Variants in STXBP2 observed in about 807,000 individuals in gnomAD.
The protein encoded by STXBP2 is syntaxin-binding protein 2.
Under a neutral mutation model 72.2 loss-of-function variants are expected in STXBP2, and 47 were observed. The ratio of observed to expected loss-of-function variants is 0.65; its 90% CI spans 0.51 to 0.83. The LOEUF (loss-of-function observed/expected upper bound fraction) is 0.83, where lower values mean the gene tolerates loss of function less well. Among genes scored for constraint, STXBP2 ranks in the 40% least tolerant of loss-of-function variants. The probability of loss-of-function intolerance (pLI) is 0.00; values close to 1 mark genes in which losing one functional copy is unlikely to be tolerated. For missense variants in STXBP2, 702 were observed against 807.6 expected (o/e 0.87, Z 1.58); for synonymous variants, 367 against 338.7 (o/e 1.08, Z -0.92).
chr19:7,645,112 G>A, intron 14 of STXBP2, 85 bp from the exon 15 acceptor site: 2 of 1,489,186 alleles, frequency 1.3e-6, no homozygotes, highest in Non-Finnish European at 1.8e-6. Flanking sequence ...CAGAGTCCTG[G>A]GAGCTCCTCA....
chr19:7,641,961 C>T, intron 7 of STXBP2, 73 bp from the exon 8 acceptor site: 1 of 1,609,460 alleles, frequency 6.2e-7, no homozygotes, highest in Admixed American at 1.7e-5. Flanking sequence ...ACCCTGGCCC[C>T]TGACTCTCAC....
chr19:7,645,417 G>T, intron 15 of STXBP2, 111 bp downstream of exon 15: 2 of 1,127,168 alleles, frequency 1.8e-6, no homozygotes, highest in South Asian at 1.5e-5. Context: ...TCCTGGCGTG[G>T]TGTGGTTGCT....
intron 1 of STXBP2, 95 bp downstream of exon 1, chr19:7,637,281 G>T (rs1267859329): frequency 2.6e-6 from 3 of 1,132,226 alleles, no homozygotes; most frequent in Non-Finnish European, 3.3e-6. Context: ...TGGCGGCTGG[G>T]AGTTGGGGGC....
intron 15 of STXBP2, among the ~76,000 whole-genome samples, chr19:7,645,684 A>G (rs1450406270): frequency 8.6e-5 from 13 of 151,884 alleles, no homozygotes. Flanking sequence ...TCCAGCACCC[A>G]CACACAGCCA....
upstream of STXBP2, chr19:7,632,929 C>T (rs756379065): frequency 9.4e-5 from 141 of 1,493,936 alleles, 1 homozygote; most frequent in Middle Eastern, 1.7e-4. This position sits in a 1 kb window ranked among gnomAD's most constrained non-coding sequence, Gnocchi z 5.2. Flanking sequence ...CGGGGCCTGC[C>T]GTCCCCACTT....
At chr19:7,640,364 A>T (rs111211956) in intron 4 of STXBP2, 1 of 539,994 alleles carries the variant, frequency 1.9e-6, no homozygotes, top group Admixed American at 2.5e-5. Flanking sequence ...GCATGTGTGT[A>T]TGCGTGTGTG....
chr19:7,642,480 CGAG>C lies in STXBP2; in HGVS notation c.849_851del (p.Glu283del). The C allele has an allele frequency of 6.2e-7, 1 of 1,614,044 alleles. No individual in the cohort carries two copies. The highest frequency in any genetic ancestry group is 8.5e-7 in the Non-Finnish European group (1 of 1,180,028). ...CGCGGGAGAAGGCCGTCTTGCTGGACGAGGACGATGACTTGTGGGTGGAGCTTC... is the reference window on the plus strand; with the variant it reads ...CGCGGGAGAAGGCCGTCTTGCTGGACGACGATGACTTGTGGGTGGAGCTTC... On this transcript the variant is annotated inframe_deletion, in exon 10 of 19. Transcript: ENST00000221283. This position sits in a 1 kb window ranked among gnomAD's most constrained non-coding sequence, Gnocchi z 6.0.
At chr19:7,644,873 C>G in intron 14 of STXBP2, 121 bp downstream of exon 14, 1 of 1,530,586 alleles carries the variant, frequency 6.5e-7, no homozygotes, top group East Asian at 2.4e-5. Context: ...TCACCAACCC[C>G]CACAGCTACC....
chr19:7,642,872 C>T lies in STXBP2; in HGVS notation c.960+49C>T, dbSNP rs117129319. 1,349 of 1,613,522 alleles carry T rather than the reference C, an allele frequency of 8.4e-4. 11 individuals carry two copies. The East Asian group carries it at 0.026, about 31-fold the overall frequency. ...AAGGCGCTGGTGGAAGGAAGCCCCC[C>T]TCCCCATGGGCGCAGGGCCACAGCC... On this transcript the variant is annotated intron_variant, in intron 11 of 18. Transcript: ENST00000221283. The surrounding 1 kb of genome is among the most constrained non-coding windows in gnomAD (Gnocchi z 6.0).
upstream of STXBP2, chr19:7,633,141 G>A: frequency 2.5e-6 from 1 of 398,554 alleles, no homozygotes; most frequent in Non-Finnish European, 3.4e-6. Flanking sequence ...CTGGGAGCTG[G>A]GACACGAATC....
At chr19:7,631,896 C>T (rs1599379166), upstream of STXBP2, 5 of 1,207,718 alleles carry the variant, frequency 4.1e-6, no homozygotes, top group East Asian at 2.8e-5. Flanking sequence ...GTGCAGGTAG[C>T]CACCGTGTCC....
At chr19:7,640,174 G>C (rs974126343) in intron 4 of STXBP2, 3 of 463,094 alleles carry the variant, frequency 6.5e-6, no homozygotes, top group African/African-American at 6.2e-5. Context: ...GTGTGTGTGC[G>C]TCTGTCTGTG....
At chr19:7,643,536 A>G (rs1411524272) in intron 13 of STXBP2, among the ~76,000 whole-genome samples, 2 of 151,748 alleles carry the variant, frequency 1.3e-5, no homozygotes, top group Non-Finnish European at 2.9e-5. Context: ...TGGCCTATTC[A>G]TAGGTGGGTG....
chr19:7,631,437 C>T, the STXBP2 span: 1 of 1,511,020 alleles, frequency 6.6e-7, no homozygotes, highest in Non-Finnish European at 8.9e-7. Flanking sequence ...GTGTGCCCCT[C>T]CCCCCTTCCT....
At chr19:7,632,654 A>G, upstream of STXBP2, 1 of 1,557,604 alleles carries the variant, frequency 6.4e-7, no homozygotes, top group Non-Finnish European at 8.7e-7. This position sits in a 1 kb window ranked among gnomAD's most constrained non-coding sequence, Gnocchi z 5.2. Flanking sequence ...CCAGATGACC[A>G]CTTGCCCTGC....
the STXBP2 span, chr19:7,630,971 G>A: frequency 8.2e-6 from 10 of 1,224,062 alleles, no homozygotes; most frequent in South Asian, 1.0e-4. Flanking sequence ...GGGCATGGGA[G>A]GCTGAGGTGG....
intron 17 of STXBP2, 52 bp downstream of exon 17, chr19:7,647,299 G>A (rs758394536): frequency 8.7e-6 from 14 of 1,611,538 alleles, no homozygotes; most frequent in African/African-American, 6.7e-5. Flanking sequence ...TTAGGTGGGC[G>A]GCCTGGCGGC....
At position 7,638,793 on chromosome 19, in the gene STXBP2, G is replaced by A; in HGVS notation, c.87+18G>A. On this transcript the variant is annotated intron_variant, in intron 2 of 18. Transcript: ENST00000221283. ...AGTGGAAGGTAGGGGTGAGGCAGATGGCTGGGTACCCAGAGGCAGCTCATC... is the reference window on the plus strand; with the variant it reads ...AGTGGAAGGTAGGGGTGAGGCAGATAGCTGGGTACCCAGAGGCAGCTCATC... The A allele has an allele frequency of 6.2e-7, 1 of 1,614,138 alleles. No individual in the cohort carries two copies. The highest frequency in any genetic ancestry group is 1.1e-5 in the South Asian group (1 of 91,072).
intron 4 of STXBP2, chr19:7,640,061 T>C (rs1243568456): frequency 6.3e-6 from 4 of 639,220 alleles, no homozygotes; most frequent in African/African-American, 3.7e-5. Context: ...TGTGTGTATG[T>C]GTGTATGCGT....
Sources: allele counts gnomAD v4.1 joint callset (sites outside exome capture counted in the v4.1 genomes callset), GRCh38; gene constraint gnomAD v4.1.1; non-coding constraint Gnocchi (gnomAD v3.1); transcripts MANE v1.5; gene names NCBI Gene and HGNC (gene_info 2026-07-23, HGNC 2026-07-21).